The following CSK variants were observed in gnomAD, a reference collection of about 807,000 sequenced individuals.
CSK encodes tyrosine-protein kinase CSK.
CSK carries 7 observed loss-of-function variants against 62.3 expected under a neutral mutation model. The ratio of observed to expected loss-of-function variants is 0.11; its 90% CI spans 0.06 to 0.21. The LOEUF (loss-of-function observed/expected upper bound fraction) is 0.21, where lower values mean the gene tolerates loss of function less well. CSK is among the 10% of genes least tolerant of loss of function. The probability of loss-of-function intolerance (pLI) is 1.00; values close to 1 mark genes in which losing one functional copy is unlikely to be tolerated. For synonymous variants in CSK, 237 were observed against 246.0 expected, an observed-to-expected ratio of 0.96 and a Z score of 0.34; for missense variants, 294 against 613.5, an observed-to-expected ratio of 0.48 and a Z score of 5.50.
intron 1 of CSK, among the ~76,000 whole-genome samples, chr15:74,787,985 A>AG (rs1170363215): frequency 1.3e-5 from 2 of 152,178 alleles, no homozygotes; most frequent in Non-Finnish European, 2.9e-5. Flanking sequence ...GGAGTCAGTG[A>AG]GGGGAGGCCT....
chr15:74,796,989 G>T (rs975074882), intron 1 of CSK, among the ~76,000 whole-genome samples: 1 of 152,056 alleles, frequency 6.6e-6, no homozygotes, highest in Non-Finnish European at 1.5e-5. Flanking sequence ...CGCCCAGGCT[G>T]GAGTGCAGTG....
rs1167360357 is a variant in CSK at position 74,798,406 on chromosome 15, C to A, written c.15+94C>A. 5.4e-6 allele frequency: 8 copies of A among 1,493,014 alleles called. No homozygotes were observed. In the South Asian group the frequency reaches 8.3e-5, roughly 16 times the overall value. 92.5% of individuals were successfully genotyped at this position (1,493,014 alleles called of 1,614,324 possible). Reference sequence around the variant, plus strand: ...GAGAGAGGATGCAGCTTAGATCAACCCACTCCCCTTTTTCCCAGCACTCAG... The same window carrying A: ...GAGAGAGGATGCAGCTTAGATCAACACACTCCCCTTTTTCCCAGCACTCAG... On this transcript the variant is annotated intron_variant, in intron 2 of 12. Coordinates refer to ENST00000220003, the MANE Select transcript of CSK (RefSeq NM_004383.3). This position sits in a 1 kb window ranked among gnomAD's most constrained non-coding sequence, Gnocchi z 6.6.
chr15:74,789,693 A>C (rs539638263), intron 1 of CSK, among the ~76,000 whole-genome samples: 2 of 152,268 alleles, frequency 1.3e-5, no homozygotes, highest in African/African-American at 4.8e-5. Context: ...CACAGTTTGC[A>C]GTCTTAATCC....
Position 74,782,853 on chromosome 15 carries a change from T to C in CSK, c.-66+133T>C, listed in dbSNP as rs893971267. On this transcript the variant is annotated intron_variant, in intron 1 of 12. Coordinates refer to ENST00000220003, the MANE Select transcript of CSK (RefSeq NM_004383.3). The surrounding 1 kb of genome is among the most constrained non-coding windows in gnomAD (Gnocchi z 5.7). ...CCCACTTCTCCCTTCTCTCCTTTAC[T>C]CCCTTGCACGGGTTCGAATTCTCCC... The C allele has an allele frequency of 6.6e-6, 1 of 152,268 alleles. No homozygotes were observed. The highest frequency in any genetic ancestry group is 1.5e-5 in the Non-Finnish European group (1 of 68,080). 9.4% of individuals were successfully genotyped at this position (152,268 alleles called of 1,614,324 possible).
At chr15:74,785,603 A>C (rs2063503028) in intron 1 of CSK, among the ~76,000 whole-genome samples, 1 of 152,220 alleles carries the variant, frequency 6.6e-6, no homozygotes, top group Non-Finnish European at 1.5e-5. Context: ...TAACTAACCA[A>C]GGGACTCTAA....
Position 74,796,356 on chromosome 15 carries a change from C to T in CSK, c.-65-1877C>T, listed in dbSNP as rs78386305. On this transcript the variant is annotated intron_variant, in intron 1 of 12. Coordinates refer to ENST00000220003, the MANE Select transcript of CSK (RefSeq NM_004383.3). ...GAGGAAGAGGAAGAGTTGGTCTTGC[C>T]GTCACAGAGGTGGCAGAGGTGGAGG... is the stretch of plus-strand genomic sequence containing the variant. Among the ~76,000 whole-genome samples, 191 of 152,120 alleles carry T rather than the reference C, an allele frequency of 1.3e-3. 1 individual carries two copies. Among genetic ancestry groups the T allele is most frequent in the East Asian group, 5.6e-3 (29 of 5,190 alleles).
chr15:74,795,209 C>T lies in CSK; in HGVS notation c.-65-3024C>T, dbSNP rs2063686328. 4.6e-5 allele frequency among the ~76,000 whole-genome samples: 7 copies of T among 152,314 alleles called. No individual in the cohort carries two copies. The South Asian group carries it at 1.5e-3, about 32-fold the overall frequency. On this transcript the variant is annotated intron_variant, in intron 1 of 12. Coordinates refer to ENST00000220003, the MANE Select transcript of CSK (RefSeq NM_004383.3). ...CAATCTTCAGGGCTCAGCCCCAGAG[C>T]TCCCTCCTCCAGGGAGCCTGTCTGA...
chr15:74,787,875 T>C (rs2063548342), intron 1 of CSK, among the ~76,000 whole-genome samples: 1 of 152,232 alleles, frequency 6.6e-6, no homozygotes, highest in Non-Finnish European at 1.5e-5. Context: ...CTCGCGCATC[T>C]ATCTATCTGC....
rs1174448862 is a variant in CSK, at chr15:74,802,904, T to A, written c.*391T>A. 5.1e-6 allele frequency: 1 copy of A among 195,562 alleles called. No homozygotes were observed. The highest frequency in any genetic ancestry group is 1.0e-5 in the Non-Finnish European group (1 of 96,216). 12.1% of individuals were successfully genotyped at this position (195,562 alleles called of 1,614,324 possible). On this transcript the variant is annotated 3_prime_UTR_variant, in exon 13 of 13. Transcript: ENST00000220003. ...CAGCAAATGGGCATTTTACAAGAAG[T>A]ACGAATCTTATTTTTCCTGTCCTGC...
chr15:74,786,864 T>C (rs1443798361), intron 1 of CSK, among the ~76,000 whole-genome samples: 2 of 152,186 alleles, frequency 1.3e-5, no homozygotes, highest in Non-Finnish European at 2.9e-5. Flanking sequence ...CAGAGGTCCC[T>C]TGGGCACACG....
rs11553760 is a variant in CSK at position 74,798,906 on chromosome 15, C to T, written c.210C>T (p.Gly70=). ...CCAACTACGTCCAGAAGCGGGAGGG[C>T]GTGAAGGCGGGTACCAAACTCAGCC... is the stretch of plus-strand genomic sequence containing the variant. The part of the protein sequence containing the change: ...IPANYVQKRE[G]VKAGTKLSLM... Residue 70 remains glycine (G), a synonymous_variant, in exon 4 of 13, where the codon GGC becomes GGT. Coordinates refer to ENST00000220003, the MANE Select transcript of CSK (RefSeq NM_004383.3). The surrounding 1 kb of genome is among the most constrained non-coding windows in gnomAD (Gnocchi z 6.6). 0.036 allele frequency: 54,667 copies of T among 1,537,232 alleles called. 2,281 individuals are homozygous for T. Among genetic ancestry groups the T allele is most frequent in the East Asian group, 0.21 (9,383 of 44,248 alleles).
intron 1 of CSK, among the ~76,000 whole-genome samples, chr15:74,797,098 C>A (rs182987471): frequency 6.6e-6 from 1 of 152,244 alleles, no homozygotes; most frequent in Admixed American, 6.5e-5. Context: ...CGCAGTACCA[C>A]CCCCGGCTAA....
At chr15:74,794,610 A>G (rs1012661323) in intron 1 of CSK, among the ~76,000 whole-genome samples, 11 of 152,074 alleles carry the variant, frequency 7.2e-5, no homozygotes, top group African/African-American at 2.7e-4. Flanking sequence ...CGCACCAGAC[A>G]TTTCCAAGTT....
chr15:74,799,147 G>A, intron 4 of CSK, 125 bp from the exon 5 acceptor site: 1 of 1,078,422 alleles, frequency 9.3e-7, no homozygotes, highest in Non-Finnish European at 1.3e-6. Flanking sequence ...CAGAAGAAGA[G>A]GGCCTCAAAT....
At chr15:74,799,831 C>T (rs920591635) in intron 5 of CSK, among the ~76,000 whole-genome samples, 2 of 152,338 alleles carry the variant, frequency 1.3e-5, no homozygotes, top group Non-Finnish European at 2.9e-5. Flanking sequence ...AGCTAACTTT[C>T]CTCCAGCCAC....
chr15:74,799,219 G>C (rs1346081032), intron 4 of CSK, 53 bp from the exon 5 acceptor site: 1 of 1,547,488 alleles, frequency 6.5e-7, no homozygotes, highest in Admixed American at 1.8e-5. Flanking sequence ...AGAAAGGGGA[G>C]CCAGGGTCAG....
intron 1 of CSK, among the ~76,000 whole-genome samples, chr15:74,788,124 G>A (rs559245185): frequency 1.1e-4 from 17 of 152,342 alleles, no homozygotes; most frequent in Admixed American, 8.5e-4. Flanking sequence ...AAGAAGAAGC[G>A]TGGTAGGAGG....
In CSK at chr15:74,802,773, C is replaced by T; in HGVS notation, c.*260C>T. On this transcript the variant is annotated 3_prime_UTR_variant, in exon 13 of 13. Coordinates refer to ENST00000220003, the MANE Select transcript of CSK (RefSeq NM_004383.3). ...CCCCACCACGTCGGGCTTCCCTGGC[C>T]TCCCGCCACTCGCCTTCTTAGAGTT... is the stretch of plus-strand genomic sequence containing the variant. The T allele has an allele frequency of 2.3e-6, 1 of 435,672 alleles. No homozygotes were observed. Among genetic ancestry groups the T allele is most frequent in the Non-Finnish European group, 4.0e-6 (1 of 247,250 alleles). The allele number at this position is 435,672 out of a possible 1,614,324, so 27.0% of individuals were successfully genotyped here.
At position 74,801,549 on chromosome 15, in the gene CSK, A is replaced by C. The variant is rs1801014; in HGVS notation, c.841A>C (p.Arg281=). ...GAGCCTTGTGGACTACCTGCGGTCT[A>C]GGGGTCGGTCAGTGCTGGGCGGAGA... is the stretch of plus-strand genomic sequence containing the variant. ...KGSLVDYLRS[R]GRSVLGGDCL... is the part of the protein sequence containing the mutation. The change falls in exon 10 of 13, where the codon AGG becomes CGG. Residue 281 remains arginine, a synonymous_variant. Coordinates refer to ENST00000220003, the MANE Select transcript of CSK (RefSeq NM_004383.3). The C allele has an allele frequency of 0.01, 16,230 of 1,613,616 alleles. 1,218 individuals are homozygous for C. In the African/African-American group the frequency reaches 0.18, roughly 17 times the overall value.
Sources: allele counts gnomAD v4.1 joint callset (sites outside exome capture counted in the v4.1 genomes callset), GRCh38; gene constraint gnomAD v4.1.1; non-coding constraint Gnocchi (gnomAD v3.1); transcripts MANE v1.5; gene names NCBI Gene and HGNC (gene_info 2026-07-23, HGNC 2026-07-21).